Variants in ARHGAP31 observed in about 807,000 individuals in gnomAD.
The protein encoded by ARHGAP31 is Rho GTPase activating protein 31, also known as rho GTPase-activating protein 31.
A neutral mutation model predicts 113.9 loss-of-function variants in ARHGAP31; 34 were observed. That is an observed-to-expected ratio of 0.30 (90% CI 0.23 to 0.40). The LOEUF is 0.40. Among genes scored for constraint, ARHGAP31 ranks in the 10% least tolerant of loss-of-function variants. ARHGAP31 has a pLI of 1.00. For missense variants in ARHGAP31, 1,548 were observed against 1,767.1 expected (o/e 0.88, Z 2.22); for synonymous variants, 650 against 684.8 (o/e 0.95, Z 0.79).
At chr3:119,374,060 A>G (rs571726872) in intron 3 of ARHGAP31, among the ~76,000 whole-genome samples, 16 of 152,322 alleles carry the variant, frequency 1.1e-4, no homozygotes, top group African/African-American at 3.8e-4. Flanking sequence ...TGGCCATGAA[A>G]AGTCACAGTT....
At chr3:119,338,032 T>G (rs2079974151) in intron 1 of ARHGAP31, among the ~76,000 whole-genome samples, 1 of 152,238 alleles carries the variant, frequency 6.6e-6, no homozygotes, top group South Asian at 2.1e-4. Flanking sequence ...GGTAACACTG[T>G]GACACTGTAT....
intron 1 of ARHGAP31, among the ~76,000 whole-genome samples, chr3:119,306,625 T>C (rs986268268): frequency 2.0e-5 from 3 of 152,170 alleles, no homozygotes; most frequent in African/African-American, 7.2e-5. Context: ...GAACATATGA[T>C]TCTACCGAAT....
At chr3:119,337,929 C>A (rs979683610) in intron 1 of ARHGAP31, among the ~76,000 whole-genome samples, 1 of 152,206 alleles carries the variant, frequency 6.6e-6, no homozygotes, top group African/African-American at 2.4e-5. Context: ...CCTCTCAGTG[C>A]TATGAACATT....
At chr3:119,392,823 AC>A (rs1459480181) in intron 7 of ARHGAP31, among the ~76,000 whole-genome samples, 2 of 151,972 alleles carry the variant, frequency 1.3e-5, no homozygotes, top group African/African-American at 4.8e-5. Context: ...TTCTCATCCA[AC>A]CCTTTTCAGT....
intron 1 of ARHGAP31, among the ~76,000 whole-genome samples, chr3:119,354,122 G>A (rs75030466): frequency 0.073 from 11,054 of 152,272 alleles, 547 homozygotes; most frequent in Admixed American, 0.16. Context: ...CCGGGGAACC[G>A]GGCTCCAGGC....
At chr3:119,369,965 A>T (rs749474031) in intron 3 of ARHGAP31, among the ~76,000 whole-genome samples, 4 of 151,808 alleles carry the variant, frequency 2.6e-5, no homozygotes, top group Non-Finnish European at 5.9e-5. Context: ...AAAAAAAAAG[A>T]AAAGAAAGAA....
chr3:119,325,612 C>A (rs2079834018), intron 1 of ARHGAP31, among the ~76,000 whole-genome samples: 1 of 116,690 alleles, frequency 8.6e-6, no homozygotes, highest in Admixed American at 1.2e-4. Flanking sequence ...CTAGCTTCTC[C>A]TAGTTCTGTA....
intron 1 of ARHGAP31, among the ~76,000 whole-genome samples, chr3:119,310,932 A>G (rs995596236): frequency 6.6e-6 from 1 of 152,218 alleles, no homozygotes; most frequent in African/African-American, 2.4e-5. Context: ...TTAAAGGGGA[A>G]AAGACAGCTT....
At chr3:119,324,283 G>A (rs1438739280) in intron 1 of ARHGAP31, among the ~76,000 whole-genome samples, 2 of 152,174 alleles carry the variant, frequency 1.3e-5, no homozygotes, top group African/African-American at 4.8e-5. Flanking sequence ...CAGACCCATA[G>A]GAAATGTAGG....
chr3:119,390,297 G>A (rs1489436530), intron 6 of ARHGAP31, among the ~76,000 whole-genome samples: 4 of 152,244 alleles, frequency 2.6e-5, no homozygotes, highest in Non-Finnish European at 5.9e-5. Context: ...CTGAAAAGTA[G>A]AGGTTCTAAC....
At chr3:119,368,613 A>G (rs1559982011) in intron 3 of ARHGAP31, 97 bp downstream of exon 3, 2 of 1,451,722 alleles carry the variant, frequency 1.4e-6, no homozygotes, top group African/African-American at 2.8e-5. Flanking sequence ...CACTCACCAG[A>G]TGGTTGACAT....
intron 10 of ARHGAP31, among the ~76,000 whole-genome samples, chr3:119,405,760 C>T (rs763440334): frequency 1.2e-4 from 19 of 152,176 alleles, no homozygotes; most frequent in Non-Finnish European, 2.5e-4. Context: ...TGACAATGCC[C>T]TTCCCTTTTG....
chr3:119,409,756 G>T lies in ARHGAP31; in HGVS notation c.1906G>T (p.Ala636Ser), dbSNP rs1298917825. Residue 636 changes from alanine (A) to serine (S), a missense_variant, in exon 11 of 12, where the codon GCT becomes TCT. By Grantham distance (99) the Ala-to-Ser change is moderately conservative. Transcript: ENST00000264245. Reference protein sequence around the residue: ...LQESPRARAEAVLLHEMDEDD... With the variant: ...LQESPRARAESVLLHEMDEDD... ...GGAGAGCCCCAGGGCCAGAGCCGAA[G>T]CTGTGCTTCTCCATGAGATGGTAAA... is the stretch of plus-strand genomic sequence containing the variant. The T allele has an allele frequency of 1.9e-6, 3 of 1,605,062 alleles. No individual in the cohort carries two copies. Among genetic ancestry groups the T allele is most frequent in the Non-Finnish European group, 2.6e-6 (3 of 1,176,394 alleles).
In ARHGAP31 at chr3:119,415,371, T is replaced by A; in HGVS notation, c.3442T>A (p.Ser1148Thr). The A allele has an allele frequency of 6.2e-7, 1 of 1,614,056 alleles. No homozygotes were observed. The highest frequency in any genetic ancestry group is 2.2e-5 in the East Asian group (1 of 44,868). Residue 1148 changes from serine (S) to threonine (T), a missense_variant, in exon 12 of 12, where the codon TCT becomes ACT. By Grantham distance (58) the Ser-to-Thr change is moderately conservative. Transcript: ENST00000264245. ...GDPKVTWMTS[S>T]YCKADPWRVY... ...CCCAAAGGTCACATGGATGACCTCA[T>A]CTTACTGTAAAGCAGACCCCTGGAG...
intron 1 of ARHGAP31, among the ~76,000 whole-genome samples, chr3:119,305,819 G>A (rs1431890230): frequency 6.6e-6 from 1 of 152,156 alleles, no homozygotes; most frequent in Non-Finnish European, 1.5e-5. Context: ...CTTGGGTTGG[G>A]GGCCCTCTGA....
intron 1 of ARHGAP31, among the ~76,000 whole-genome samples, chr3:119,362,778 A>C (rs2080220358): frequency 6.7e-6 from 1 of 150,094 alleles, no homozygotes; most frequent in African/African-American, 2.5e-5. Flanking sequence ...AAAAAAAAAA[A>C]AAAAAGGCGG....
At chr3:119,299,068 G>T (rs1249707210) in intron 1 of ARHGAP31, 1 of 152,220 alleles carries the variant, frequency 6.6e-6, no homozygotes, top group Non-Finnish European at 1.5e-5. Flanking sequence ...AAATAAAATG[G>T]AAATTATACT....
At chr3:119,357,789 G>T (rs1191134975) in intron 1 of ARHGAP31, among the ~76,000 whole-genome samples, 1 of 152,172 alleles carries the variant, frequency 6.6e-6, no homozygotes, top group Non-Finnish European at 1.5e-5. Context: ...TTCTGAGCCA[G>T]ATAATGGTCT....
rs890078538 is a variant in ARHGAP31 at position 119,420,563 on chromosome 3, T to C, written c.*4299T>C. 7.9e-5 allele frequency: 12 copies of C among 152,300 alleles called. No individual in the cohort carries two copies. Among genetic ancestry groups the C allele is most frequent in the African/African-American group, 2.9e-4 (12 of 41,570 alleles). 9.4% of individuals were successfully genotyped at this position (152,300 alleles called of 1,614,324 possible). A position where few individuals can be genotyped will look rare whatever the true frequency, so the allele number is the denominator to read the frequency against. On this transcript the variant is annotated 3_prime_UTR_variant, in exon 12 of 12. Transcript: ENST00000264245. ...ATTAATAATGCAGAGATTACTTTTC[T>C]GTGAGGGTAAGGGGGACGTAGCTAA...
Sources: gnomAD v4.1 joint callset for allele counts (sites outside exome capture counted in the v4.1 genomes callset) on GRCh38, gnomAD v4.1.1 for gene constraint, MANE v1.5 for transcripts, NCBI Gene and HGNC (gene_info 2026-07-23, HGNC 2026-07-21) for gene names.